Variants in LRMDA observed in about 807,000 individuals in gnomAD.
LRMDA encodes leucine rich melanocyte differentiation associated.
LRMDA carries 18 observed loss-of-function variants against 29.8 expected under a neutral mutation model. The observed-to-expected ratio is 0.60, with a 90% CI of 0.42 to 0.90. The LOEUF is 0.90. Ranked by LOEUF, LRMDA falls within the 40% of genes least tolerant of loss-of-function variation. The pLI, the probability that LRMDA is intolerant of heterozygous loss-of-function variation, is 0.00. For synonymous variants in LRMDA, 125 were observed against 109.4 expected (o/e 1.14, Z -0.89); for missense variants, 273 against 273.9 (o/e 1.00, Z 0.02).
rs76824571 is a variant in LRMDA, at chr10:75,457,181, G to T, written c.131+18687G>T. On this transcript the variant is annotated intron_variant, in intron 2 of 6. Coordinates refer to ENST00000611255, the MANE Select transcript of LRMDA (RefSeq NM_001305581.2). ...CAAGGGCATGCAGCTGGTCAGTGGGGGGACCAAGATCTAAATGCAGCTTTG... is the reference window on the plus strand; with the variant it reads ...CAAGGGCATGCAGCTGGTCAGTGGGTGGACCAAGATCTAAATGCAGCTTTG... Among the ~76,000 whole-genome samples the T allele has an allele frequency of 8.2e-3, 1,251 of 152,290 alleles. 13 individuals carry two copies. Among genetic ancestry groups the T allele is most frequent in the African/African-American group, 0.026 (1,092 of 41,552 alleles).
Position 75,908,731 on chromosome 10 carries a change from G to A in LRMDA, c.132-127277G>A, listed in dbSNP as rs115602843. On this transcript the variant is annotated intron_variant, in intron 2 of 6. Transcript: ENST00000611255. ...ACCTCCTATCCCCATCTTGCTCCAC[G>A]TGGGATCATGCGATTTTTGTACCCA... 4.6e-3 allele frequency among the ~76,000 whole-genome samples: 698 copies of A among 152,126 alleles called. 5 individuals carry two copies. Among genetic ancestry groups the A allele is most frequent in the African/African-American group, 0.016 (653 of 41,488 alleles).
chr10:76,101,320 C>G (rs572333593), intron 5 of LRMDA, among the ~76,000 whole-genome samples: 1 of 152,124 alleles, frequency 6.6e-6, no homozygotes, highest in Non-Finnish European at 1.5e-5. Flanking sequence ...GGGTTTGTTA[C>G]CTGGTAGTAA....
chr10:75,670,306 T>A (rs537208371), intron 2 of LRMDA, among the ~76,000 whole-genome samples: 1 of 152,354 alleles, frequency 6.6e-6, no homozygotes, highest in Non-Finnish European at 1.5e-5. Context: ...TCTCTTTTTG[T>A]AGAAGTCAGA....
chr10:76,371,665 G>A (rs1050005220), intron 6 of LRMDA, among the ~76,000 whole-genome samples: 3 of 152,154 alleles, frequency 2.0e-5, no homozygotes, highest in Non-Finnish European at 4.4e-5. Context: ...GCTTGCTACA[G>A]GGGGAGAAGT....
chr10:75,855,846 G>T (rs995994205), intron 2 of LRMDA, among the ~76,000 whole-genome samples: 2 of 152,114 alleles, frequency 1.3e-5, no homozygotes, highest in Non-Finnish European at 2.9e-5. Context: ...CCTTGTTTTT[G>T]TCAGGCTTGT....
intron 2 of LRMDA, among the ~76,000 whole-genome samples, chr10:75,672,702 C>G (rs1841912517): frequency 6.7e-6 from 1 of 149,226 alleles, no homozygotes; most frequent in African/African-American, 2.5e-5. Context: ...CCTCCGTCTC[C>G]CAACTAGCTG....
intron 2 of LRMDA, among the ~76,000 whole-genome samples, chr10:75,774,648 G>C (rs895547665): frequency 6.6e-6 from 1 of 151,928 alleles, no homozygotes; most frequent in African/African-American, 2.4e-5. Flanking sequence ...AAAACTGTGT[G>C]GCTTCTCAAC....
chr10:76,274,621 G>A (rs1032223954), intron 5 of LRMDA, among the ~76,000 whole-genome samples: 8 of 152,104 alleles, frequency 5.3e-5, no homozygotes, highest in Admixed American at 2.6e-4. Context: ...TAAAGGTTAC[G>A]TATTTTATTC....
intron 2 of LRMDA, among the ~76,000 whole-genome samples, chr10:75,693,820 T>TA (rs1049537231): frequency 6.6e-6 from 1 of 151,856 alleles, no homozygotes; most frequent in Non-Finnish European, 1.5e-5. Flanking sequence ...AGGATTTGAA[T>TA]AAAAAAAAGC....
In LRMDA at chr10:76,521,425, C is replaced by T. The variant is rs572007427; in HGVS notation, c.602-35784C>T. On this transcript the variant is annotated intron_variant, in intron 6 of 6. Coordinates refer to ENST00000611255, the MANE Select transcript of LRMDA (RefSeq NM_001305581.2). ...CTGGGATTACAGGCGTGAGCCACCG[C>T]GCCCAGCCCCATTATTACCATTTTA... Among the ~76,000 whole-genome samples, 26 of 152,308 alleles carry T rather than the reference C, an allele frequency of 1.7e-4. No homozygotes were observed. The South Asian group carries it at 4.6e-3, about 27-fold the overall frequency.
chr10:76,245,155 G>T (rs1852351550), intron 5 of LRMDA, among the ~76,000 whole-genome samples: 1 of 152,116 alleles, frequency 6.6e-6, no homozygotes, highest in South Asian at 2.1e-4. Context: ...AGGCAACAAG[G>T]GAAGAAAATT....
At chr10:76,334,495 T>G (rs1217494575) in intron 6 of LRMDA, among the ~76,000 whole-genome samples, 1 of 152,224 alleles carries the variant, frequency 6.6e-6, no homozygotes, top group Non-Finnish European at 1.5e-5. Context: ...ATGACGTTGT[T>G]GGCTGCAAAC....
chr10:76,305,704 T>C (rs904050653), intron 5 of LRMDA, among the ~76,000 whole-genome samples: 1 of 152,252 alleles, frequency 6.6e-6, no homozygotes, highest in Non-Finnish European at 1.5e-5. Flanking sequence ...GATACTTGAT[T>C]AGTCATTTTT....
chr10:76,119,384 G>A (rs1437663403), intron 5 of LRMDA, among the ~76,000 whole-genome samples: 1 of 152,028 alleles, frequency 6.6e-6, no homozygotes, highest in East Asian at 1.9e-4. Flanking sequence ...TAAAAATGAA[G>A]AGGGAACCTG....
At chr10:75,773,906 C>G (rs896373657) in intron 2 of LRMDA, among the ~76,000 whole-genome samples, 1 of 152,192 alleles carries the variant, frequency 6.6e-6, no homozygotes, top group African/African-American at 2.4e-5. Context: ...TCATTATATT[C>G]ACATCTTGTG....
At chr10:75,476,857 T>C (rs987365377) in intron 2 of LRMDA, among the ~76,000 whole-genome samples, 3 of 152,156 alleles carry the variant, frequency 2.0e-5, no homozygotes, top group African/African-American at 7.2e-5. Context: ...GATGAAAGTG[T>C]CAGGAGAATT....
chr10:75,474,055 C>G (rs2043089), intron 2 of LRMDA, among the ~76,000 whole-genome samples: 1 of 152,058 alleles, frequency 6.6e-6, no homozygotes, highest in Non-Finnish European at 1.5e-5. Flanking sequence ...CCTTGCATTG[C>G]GTTCCAAGTA....
intron 5 of LRMDA, among the ~76,000 whole-genome samples, chr10:76,267,258 C>T (rs190351556): frequency 1.4e-3 from 214 of 151,862 alleles, no homozygotes; most frequent in African/African-American, 4.9e-3. Context: ...ATATTGTTTG[C>T]CCATTCAAAT....
At chr10:76,485,384 C>T (rs1037959797) in intron 6 of LRMDA, among the ~76,000 whole-genome samples, 1 of 151,842 alleles carries the variant, frequency 6.6e-6, no homozygotes, top group Non-Finnish European at 1.5e-5. Flanking sequence ...TAGCACTATA[C>T]CACATTATGG....
Sources: gnomAD v4.1 joint callset for allele counts (sites outside exome capture counted in the v4.1 genomes callset) on GRCh38, gnomAD v4.1.1 for gene constraint, MANE v1.5 for transcripts, NCBI Gene and HGNC (gene_info 2026-07-23, HGNC 2026-07-21) for gene names.